Variants in MLIP observed in about 807,000 individuals in gnomAD.
MLIP encodes muscular LMNA-interacting protein.
A neutral mutation model predicts 84.8 loss-of-function variants in MLIP; 79 were observed. The observed-to-expected ratio is 0.93, with a 90% CI of 0.78 to 1.12. The LOEUF (loss-of-function observed/expected upper bound fraction) is 1.12. MLIP is among the 50% of genes most tolerant of loss of function. The pLI is 0.00. For missense variants in MLIP, 1,257 were observed against 1,160.6 expected (o/e 1.08, Z -1.21); for synonymous variants, 504 against 463.0 (o/e 1.09, Z -1.14).
At chr6:54,219,621 T>G (rs1458214633) in intron 11 of MLIP, among the ~76,000 whole-genome samples, 2 of 152,200 alleles carry the variant, frequency 1.3e-5, no homozygotes, top group Non-Finnish European at 2.9e-5. Context: ...TTGCAAAGCC[T>G]TCAATATTTA....
At chr6:54,186,665 T>A (rs1777427261) in intron 9 of MLIP, among the ~76,000 whole-genome samples, 1 of 152,124 alleles carries the variant, frequency 6.6e-6, no homozygotes, top group African/African-American at 2.4e-5. Context: ...CAACCCCTTA[T>A]AAAAACCATC....
At chr6:54,143,302 C>T (rs1772488049) in intron 4 of MLIP, among the ~76,000 whole-genome samples, 1 of 151,074 alleles carries the variant, frequency 6.6e-6, no homozygotes, top group African/African-American at 2.4e-5. Flanking sequence ...ACTGCAACCT[C>T]TGCCTCCCAG....
chr6:54,217,454 A>G (rs1157448815), intron 11 of MLIP: 4 of 985,272 alleles, frequency 4.1e-6, no homozygotes, highest in African/African-American at 1.7e-5. Flanking sequence ...AGATATGGCT[A>G]TAACACTAAT....
intron 1 of MLIP, among the ~76,000 whole-genome samples, chr6:54,093,619 G>T (rs188524392): frequency 2.9e-4 from 44 of 152,196 alleles, no homozygotes; most frequent in African/African-American, 9.9e-4. Flanking sequence ...TTTAGCATTT[G>T]GTGCTTACAA....
In MLIP at chr6:54,026,205, A is replaced by C. The variant is rs189914692; in HGVS notation, c.63+7114A>C. Reference sequence around the variant, plus strand: ...TTTCCGAGATGTCAATAAGAGGATTATATGGTTGATCTCTCTGCATCAGAT... The same window carrying C: ...TTTCCGAGATGTCAATAAGAGGATTCTATGGTTGATCTCTCTGCATCAGAT... On this transcript the variant is annotated intron_variant, in intron 1 of 12. Transcript: ENST00000274897. Among the ~76,000 whole-genome samples, 86 of 152,314 alleles carry C rather than the reference A, an allele frequency of 5.6e-4. 1 individual carries two copies. Among genetic ancestry groups the C allele is most frequent in the Admixed American group, 5.6e-3 (86 of 15,294 alleles).
intron 9 of MLIP, among the ~76,000 whole-genome samples, chr6:54,179,524 G>A (rs1285919300): frequency 6.6e-6 from 1 of 151,590 alleles, no homozygotes; most frequent in Non-Finnish European, 1.5e-5. Context: ...ATTTTCTCTG[G>A]TTGTATGCTT....
chr6:54,227,522 G>A lies in MLIP; in HGVS notation c.2719-3192G>A, dbSNP rs79462966. ...CAAAAGTAGATGAAGATATACCCAC[G>A]CCAAAGCGCATACTGGGGTATTTTC... On this transcript the variant is annotated intron_variant, in intron 11 of 13. Transcript: ENST00000502396. Among the ~76,000 whole-genome samples the A allele has an allele frequency of 6.3e-3, 956 of 152,228 alleles. 14 individuals carry two copies. Among genetic ancestry groups the A allele is most frequent in the African/African-American group, 0.022 (904 of 41,518 alleles).
rs139980568 is a variant in MLIP, at chr6:54,072,023, C to T, written c.64-49424C>T. Reference sequence around the variant, plus strand: ...TTTCCCTTTGATCATTTCAGAGAAACGGATCATCCTGATGTTTACCAGAGC... The same window carrying T: ...TTTCCCTTTGATCATTTCAGAGAAATGGATCATCCTGATGTTTACCAGAGC... On this transcript the variant is annotated intron_variant, in intron 1 of 12. Coordinates refer to the MLIP transcript ENST00000274897. 4.9e-4 allele frequency among the ~76,000 whole-genome samples: 74 copies of T among 152,224 alleles called. 1 individual carries two copies. The highest frequency in any genetic ancestry group is 3.4e-3 in the Middle Eastern group (1 of 294).
chr6:54,231,146 C>G (rs1044002153), intron 12 of MLIP, among the ~76,000 whole-genome samples: 1 of 152,018 alleles, frequency 6.6e-6, no homozygotes, highest in African/African-American at 2.4e-5. Context: ...AAGTTATTCC[C>G]TGATTTGTAT....
At position 54,040,558 on chromosome 6, in the gene MLIP, A is replaced by G. The variant is rs72955951; in HGVS notation, c.63+21467A>G. ...TACCTTTTGACCCAGCAATCCCATT[A>G]CTGGGTTTAAATGCAAAGGAAAATA... On this transcript the variant is annotated intron_variant, in intron 1 of 12. Coordinates refer to the MLIP transcript ENST00000274897. Among the ~76,000 whole-genome samples, 1,086 of 152,194 alleles carry G rather than the reference A, an allele frequency of 7.1e-3. 6 individuals are homozygous for G. The highest frequency in any genetic ancestry group is 0.011 in the Non-Finnish European group (776 of 67,960).
chr6:54,105,125 A>G (rs890178497), intron 1 of MLIP, among the ~76,000 whole-genome samples: 3 of 152,190 alleles, frequency 2.0e-5, no homozygotes, highest in African/African-American at 7.2e-5. Flanking sequence ...GTGGAAAATC[A>G]GGAGACCAGA....
chr6:54,232,387 G>C (rs183196144), intron 12 of MLIP, among the ~76,000 whole-genome samples: 1 of 152,092 alleles, frequency 6.6e-6, no homozygotes, highest in Admixed American at 6.5e-5. Flanking sequence ...TGTTTGGTTA[G>C]GCTGAGAAGA....
At chr6:54,219,361 C>CAT (rs1209002599) in intron 11 of MLIP, among the ~76,000 whole-genome samples, 1 of 99,560 alleles carries the variant, frequency 1.0e-5, no homozygotes, top group Admixed American at 1.1e-4. Flanking sequence ...TTTTTTTTTA[C>CAT]ATTTTAAACT....
chr6:54,063,004 C>A (rs1338460714), intron 1 of MLIP, among the ~76,000 whole-genome samples: 1 of 151,962 alleles, frequency 6.6e-6, no homozygotes, highest in Non-Finnish European at 1.5e-5. Flanking sequence ...CAGTTCGAGA[C>A]AAGCCTGATC....
chr6:54,189,557 T>C (rs1777716317), intron 9 of MLIP, among the ~76,000 whole-genome samples: 1 of 152,156 alleles, frequency 6.6e-6, no homozygotes, highest in South Asian at 2.1e-4. Flanking sequence ...AAATGTTAGG[T>C]AACCTTGAAG....
At chr6:54,226,732 G>T (rs1019328644) in intron 11 of MLIP, among the ~76,000 whole-genome samples, 1 of 151,610 alleles carries the variant, frequency 6.6e-6, no homozygotes, top group Non-Finnish European at 1.5e-5. Flanking sequence ...AGATAGATAA[G>T]ATAGTGCCTC....
chr6:54,160,017 A>T (rs2150560649), intron 5 of MLIP, among the ~76,000 whole-genome samples: 1 of 152,230 alleles, frequency 6.6e-6, no homozygotes, highest in African/African-American at 2.4e-5. Flanking sequence ...CTCAGAAATA[A>T]TGCCACACAT....
intron 3 of MLIP, among the ~76,000 whole-genome samples, chr6:54,132,808 G>T (rs1034824033): frequency 6.6e-6 from 1 of 152,186 alleles, no homozygotes; most frequent in Non-Finnish European, 1.5e-5. Context: ...CCTTCTGCAG[G>T]GGAATTCAGT....
intron 1 of MLIP, among the ~76,000 whole-genome samples, chr6:54,095,081 C>G (rs1768119629): frequency 6.6e-6 from 1 of 152,196 alleles, no homozygotes; most frequent in Admixed American, 6.5e-5. Flanking sequence ...CAAAGATAGC[C>G]ATCTCTTGAA....
Sources: gnomAD v4.1 joint callset for allele counts (sites outside exome capture counted in the v4.1 genomes callset) on GRCh38, gnomAD v4.1.1 for gene constraint, MANE v1.5 for transcripts, NCBI Gene and HGNC (gene_info 2026-07-23, HGNC 2026-07-21) for gene names.